Variants in NRG1 observed in about 807,000 individuals in gnomAD.
NRG1 encodes the protein pro-neuregulin-1, membrane-bound isoform.
A neutral mutation model predicts 63.8 loss-of-function variants in NRG1; 18 were observed. That is an observed-to-expected ratio of 0.28 (90% CI 0.19 to 0.42). The LOEUF (loss-of-function observed/expected upper bound fraction) is 0.42. Among genes scored for constraint, NRG1 ranks in the 10% least tolerant of loss-of-function variants. NRG1 has a pLI of 1.00. For synonymous variants in NRG1, 302 were observed against 301.3 expected, an observed-to-expected ratio of 1.00 and a Z score of -0.02; for missense variants, 762 against 814.7, an observed-to-expected ratio of 0.94 and a Z score of 0.79.
At chr8:32,749,597 C>T (rs760584858) in intron 7 of NRG1, 1 of 1,613,122 alleles carries the variant, frequency 6.2e-7, no homozygotes, top group Admixed American at 1.7e-5. Flanking sequence ...ATGGACCAAT[C>T]ATCATTCCTT....
intron 1 of NRG1, among the ~76,000 whole-genome samples, chr8:32,199,284 C>G (rs373571362): frequency 1.6e-4 from 25 of 152,122 alleles, no homozygotes; most frequent in South Asian, 6.2e-4. Flanking sequence ...TTCATTCCCG[C>G]TATATACTCT....
At chr8:32,502,054 C>T (rs1049446035) in intron 1 of NRG1, among the ~76,000 whole-genome samples, 1 of 152,134 alleles carries the variant, frequency 6.6e-6, no homozygotes, top group African/African-American at 2.4e-5. Flanking sequence ...TCCATTCTTG[C>T]ATTGCTGTAA....
chr8:31,894,430 G>GATATAATGCTAAGTAATTAAACC (rs1831392394), intron 1 of NRG1, among the ~76,000 whole-genome samples: 1 of 151,996 alleles, frequency 6.6e-6, no homozygotes, highest in Non-Finnish European at 1.5e-5. Flanking sequence ...AAGTGCTTAT[G>GATATAATGCTAAGTAATTAAACC]ATATAATGCT....
chr8:31,983,147 A>G (rs986723578), intron 1 of NRG1, among the ~76,000 whole-genome samples: 2 of 152,144 alleles, frequency 1.3e-5, no homozygotes, highest in Admixed American at 1.3e-4. Context: ...TTCAATGATA[A>G]TGTCATATAT....
At chr8:32,717,908 C>T (rs1331966199) in intron 5 of NRG1, among the ~76,000 whole-genome samples, 1 of 152,138 alleles carries the variant, frequency 6.6e-6, no homozygotes, top group Non-Finnish European at 1.5e-5. Context: ...CTCCTTGCCT[C>T]AAAGTACTGA....
chr8:32,305,817 C>T (rs943670860), intron 1 of NRG1, among the ~76,000 whole-genome samples: 5 of 152,164 alleles, frequency 3.3e-5, no homozygotes, highest in South Asian at 2.1e-4. Context: ...CCCAAAGTCA[C>T]GTGCATGTTC....
At chr8:31,769,036 A>G (rs1402525674) in intron 1 of NRG1, among the ~76,000 whole-genome samples, 1 of 152,194 alleles carries the variant, frequency 6.6e-6, no homozygotes, top group Non-Finnish European at 1.5e-5. Context: ...ATTTTCAGGT[A>G]TGCAAAAGGC....
At position 31,794,201 on chromosome 8, in the gene NRG1, T is replaced by C. The variant is rs555267194; in HGVS notation, c.37+154770T>C. The stretch of plus-strand genomic sequence containing the variant: ...TTTATTTCCAGATGACCCAAATCTC[T>C]TTGTTATGTTTGCTGACAGAAACAG... On this transcript the variant is annotated intron_variant, in intron 1 of 10. Transcript: ENST00000519301. Among the ~76,000 whole-genome samples the C allele has an allele frequency of 3.3e-5, 5 of 152,248 alleles. No homozygotes were observed. In the East Asian group the frequency reaches 5.8e-4, roughly 18 times the overall value.
intron 1 of NRG1, among the ~76,000 whole-genome samples, chr8:31,982,410 C>A (rs1809286371): frequency 6.6e-6 from 1 of 151,958 alleles, no homozygotes; most frequent in Non-Finnish European, 1.5e-5. Context: ...AAATTCTGAT[C>A]ATTTAGATTA....
At position 31,727,284 on chromosome 8, in the gene NRG1, A is replaced by G. The variant is rs150092384; in HGVS notation, c.37+87853A>G. Among the ~76,000 whole-genome samples, 1,137 of 152,278 alleles carry G rather than the reference A, an allele frequency of 7.5e-3. 47 individuals are homozygous for G. In the South Asian group the frequency reaches 0.12, roughly 16 times the overall value. ...GTTTTAAAAAAGCTTTACTTCACAA[A>G]CAAAAATGTTCTGTTCATTCTGCTT... On this transcript the variant is annotated intron_variant, in intron 1 of 10. Transcript: ENST00000519301.
intron 1 of NRG1, among the ~76,000 whole-genome samples, chr8:31,897,860 C>CAAAA (rs3052833): frequency 0.42 from 62,262 of 146,512 alleles, 13,909 homozygotes; most frequent in East Asian, 0.73. Flanking sequence ...ACTAAAAATA[C>CAAAA]AAAAAAAAAA....
intron 1 of NRG1, among the ~76,000 whole-genome samples, chr8:32,412,432 A>ATATATATG (rs1563428428): frequency 0.031 from 1,201 of 38,628 alleles, 35 homozygotes; most frequent in South Asian, 0.073. Flanking sequence ...ACATATATAT[A>ATATATATG]TATATATATA....
chr8:32,770,197 G>T (rs962208293), downstream of NRG1, among the ~76,000 whole-genome samples: 1 of 152,082 alleles, frequency 6.6e-6, no homozygotes. Context: ...GTATAGATTT[G>T]CTAATACAGA....
At chr8:32,570,223 T>C (rs1199023720) in intron 1 of NRG1, among the ~76,000 whole-genome samples, 3 of 152,172 alleles carry the variant, frequency 2.0e-5, no homozygotes, top group Non-Finnish European at 4.4e-5. Flanking sequence ...ATATTTATCT[T>C]TATATTTTCT....
At chr8:31,987,817 C>T (rs1051767033) in intron 1 of NRG1, among the ~76,000 whole-genome samples, 3 of 152,022 alleles carry the variant, frequency 2.0e-5, no homozygotes, top group East Asian at 3.9e-4. Context: ...CTATGACTTT[C>T]TTAGATAAGT....
chr8:31,647,125 G>A (rs758331509), intron 1 of NRG1, among the ~76,000 whole-genome samples: 6 of 152,188 alleles, frequency 3.9e-5, no homozygotes, highest in Non-Finnish European at 8.8e-5. Flanking sequence ...ACAGACTTCA[G>A]TATTCAGAAA....
chr8:31,723,824 C>T (rs996434042), intron 1 of NRG1, among the ~76,000 whole-genome samples: 3 of 152,050 alleles, frequency 2.0e-5, no homozygotes, highest in African/African-American at 7.2e-5. Context: ...AGTGAGCATT[C>T]GAAGTACATT....
At chr8:32,604,501 T>G (rs540590598) in intron 2 of NRG1, among the ~76,000 whole-genome samples, 1 of 152,184 alleles carries the variant, frequency 6.6e-6, no homozygotes, top group Non-Finnish European at 1.5e-5. Context: ...TTCTCCCTTG[T>G]CGTTATCCCC....
rs373614709 is a variant in NRG1 at position 32,695,555 on chromosome 8, G to A, written c.503-32394G>A. ...AGAACAGAGATACCACAGAGCAATC[G>A]AGGAAGAATTAGTTATACTGTTCTC... On this transcript the variant is annotated intron_variant, in intron 5 of 11. Transcript: ENST00000356819. Among the ~76,000 whole-genome samples, 69 of 152,276 alleles carry A rather than the reference G, an allele frequency of 4.5e-4. 1 individual carries two copies. In the East Asian group the frequency reaches 7.5e-3, roughly 17 times the overall value.
Sources: gnomAD v4.1 joint callset for allele counts (sites outside exome capture counted in the v4.1 genomes callset) on GRCh38, gnomAD v4.1.1 for gene constraint, MANE v1.5 for transcripts, NCBI Gene and HGNC (gene_info 2026-07-23, HGNC 2026-07-21) for gene names.